Variants in GRID1 observed in about 807,000 individuals in gnomAD.
GRID1 encodes the protein glutamate receptor ionotropic, delta-1.
GRID1 carries 28 observed loss-of-function variants against 98.0 expected under a neutral mutation model. The ratio of observed to expected loss-of-function variants is 0.29; its 90% CI spans 0.21 to 0.39. The LOEUF (loss-of-function observed/expected upper bound fraction) is 0.39. GRID1 is among the 10% of genes least tolerant of loss of function. The pLI, the probability that GRID1 is intolerant of heterozygous loss-of-function variation, is 1.00. For synonymous variants in GRID1, 553 were observed against 538.5 expected, an observed-to-expected ratio of 1.03 and a Z score of -0.37; for missense variants, 1,111 against 1,340.5, an observed-to-expected ratio of 0.83 and a Z score of 2.67.
intron 2 of GRID1, among the ~76,000 whole-genome samples, chr10:86,318,691 C>T (rs79356533): frequency 1.2e-4 from 18 of 152,310 alleles, no homozygotes; most frequent in Middle Eastern, 3.4e-3. Flanking sequence ...TTGCTGAGAC[C>T]CTACCATAGG....
intron 4 of GRID1, among the ~76,000 whole-genome samples, chr10:86,119,268 G>A (rs1251516752): frequency 6.6e-6 from 1 of 152,186 alleles, no homozygotes; most frequent in East Asian, 1.9e-4. Flanking sequence ...CTTGGAGGCA[G>A]AGGTTGCAGT....
intron 4 of GRID1, among the ~76,000 whole-genome samples, chr10:85,946,710 C>T (rs893367285): frequency 1.3e-5 from 2 of 152,076 alleles, no homozygotes; most frequent in East Asian, 1.9e-4. Context: ...CAGTCTTGGG[C>T]GGCTCTGAGA....
At chr10:86,264,575 CCA>C (rs1847072852) in intron 2 of GRID1, 1 of 447,950 alleles carries the variant, frequency 2.2e-6, no homozygotes, top group Non-Finnish European at 4.5e-6. Flanking sequence ...AGCAAGGTTT[CCA>C]CAATCTTCTC....
intron 12 of GRID1, among the ~76,000 whole-genome samples, chr10:85,700,189 A>G (rs138912942): frequency 5.8e-4 from 89 of 152,324 alleles, no homozygotes; most frequent in African/African-American, 2.1e-3. Context: ...AGGTAACTTT[A>G]TAAACTCTAA....
chr10:85,760,677 C>T (rs572274279), intron 8 of GRID1, among the ~76,000 whole-genome samples: 5 of 152,244 alleles, frequency 3.3e-5, no homozygotes, highest in Non-Finnish European at 5.9e-5. Flanking sequence ...AATAAGTATA[C>T]ATTTGCAACA....
intron 5 of GRID1, among the ~76,000 whole-genome samples, chr10:85,876,508 C>G (rs1843333429): frequency 6.6e-6 from 1 of 152,200 alleles, no homozygotes. Context: ...ATCATATCTG[C>G]AAAATGTCCT....
intron 8 of GRID1, among the ~76,000 whole-genome samples, chr10:85,838,004 A>G (rs1421555890): frequency 2.0e-5 from 3 of 152,236 alleles, no homozygotes; most frequent in Non-Finnish European, 4.4e-5. Context: ...CACTACAAGA[A>G]TTTCATAATG....
chr10:86,076,289 CAG>C (rs1843879236), intron 4 of GRID1, among the ~76,000 whole-genome samples: 2 of 152,050 alleles, frequency 1.3e-5, no homozygotes, highest in Non-Finnish European at 2.9e-5. Flanking sequence ...AGTAATGAAA[CAG>C]TAAGTTTAAA....
chr10:85,837,225 G>T, intron 8 of GRID1, among the ~76,000 whole-genome samples: 1 of 152,106 alleles, frequency 6.6e-6, no homozygotes, highest in East Asian at 1.9e-4. Flanking sequence ...GCAATCACTA[G>T]CTTATGGGGG....
chr10:85,926,221 T>A (rs1475799882), intron 4 of GRID1, among the ~76,000 whole-genome samples: 1 of 152,060 alleles, frequency 6.6e-6, no homozygotes, highest in Non-Finnish European at 1.5e-5. Flanking sequence ...AGGTGGATGG[T>A]GCGACAGCTG....
intron 13 of GRID1, 152 bp from the exon 14 acceptor site, chr10:85,620,185 G>A: frequency 1.5e-6 from 1 of 650,308 alleles, no homozygotes. Flanking sequence ...ACTGTTTTCT[G>A]GCCTACAAAT....
At chr10:86,098,832 C>G (rs993637433) in intron 4 of GRID1, among the ~76,000 whole-genome samples, 3 of 152,130 alleles carry the variant, frequency 2.0e-5, no homozygotes, top group Non-Finnish European at 4.4e-5. Context: ...GCACGTTTAC[C>G]TACTGGAAAT....
At chr10:85,683,688 C>G (rs1298312720) in intron 12 of GRID1, among the ~76,000 whole-genome samples, 1 of 152,200 alleles carries the variant, frequency 6.6e-6, no homozygotes, top group African/African-American at 2.4e-5. Context: ...AAATAGAAAA[C>G]TTAAATATTC....
chr10:86,038,675 T>C (rs1364576696), intron 4 of GRID1, among the ~76,000 whole-genome samples: 1 of 152,228 alleles, frequency 6.6e-6, no homozygotes, highest in Non-Finnish European at 1.5e-5. Context: ...TGAAATTCCT[T>C]TGTCTTTTCT....
chr10:85,637,486 G>T (rs1843060226), intron 13 of GRID1, among the ~76,000 whole-genome samples: 1 of 152,180 alleles, frequency 6.6e-6, no homozygotes, highest in South Asian at 2.1e-4. Flanking sequence ...CAAGACCATG[G>T]GAGGCATATT....
intron 4 of GRID1, among the ~76,000 whole-genome samples, chr10:85,986,880 C>A (rs1361980216): frequency 6.6e-6 from 1 of 152,192 alleles, no homozygotes; most frequent in Admixed American, 6.5e-5. Flanking sequence ...AGAGTCTGTT[C>A]TGCTCTGTTC....
chr10:85,878,845 G>GACCCATCAGTGTGCTGTATTCAGGAA (rs1294082647), intron 5 of GRID1, among the ~76,000 whole-genome samples: 1 of 151,994 alleles, frequency 6.6e-6, no homozygotes, highest in East Asian at 1.9e-4. Context: ...AAAGAGTCAA[G>GACCCATCAGTGTGCTGTATTCAGGAA]ACCCATCAGT....
At chr10:85,606,612 G>A (rs1395409207) in intron 15 of GRID1, 2 of 152,208 alleles carry the variant, frequency 1.3e-5, no homozygotes, top group Non-Finnish European at 2.9e-5. Flanking sequence ...CAGAGCTGAG[G>A]TGCGCAGGAC....
intron 2 of GRID1, among the ~76,000 whole-genome samples, chr10:86,229,807 C>T (rs1009858620): frequency 6.6e-6 from 1 of 152,320 alleles, no homozygotes; most frequent in African/African-American, 2.4e-5. Flanking sequence ...CCCCACTTCA[C>T]TAAGTCCTGC....
Sources: gnomAD v4.1 joint callset for allele counts (sites outside exome capture counted in the v4.1 genomes callset) on GRCh38, gnomAD v4.1.1 for gene constraint, MANE v1.5 for transcripts, NCBI Gene and HGNC (gene_info 2026-07-23, HGNC 2026-07-21) for gene names.